CLASP2: variants seen among roughly 807,000 people sequenced by gnomAD.
CLASP2 encodes the protein cytoplasmic linker associated protein 2, also known as CLIP-associating protein 2.
Under a neutral mutation model 194.4 loss-of-function variants are expected in CLASP2, and 47 were observed. That is an observed-to-expected ratio of 0.24 (90% CI 0.19 to 0.31). CLASP2 has a LOEUF of 0.31. Among genes scored for constraint, CLASP2 ranks in the 10% least tolerant of loss-of-function variants. CLASP2 has a pLI of 1.00. For missense variants in CLASP2, 1,445 were observed against 1,823.6 expected, an observed-to-expected ratio of 0.79 and a Z score of 3.78; for synonymous variants, 619 against 633.5, an observed-to-expected ratio of 0.98 and a Z score of 0.34.
rs145260201 is a variant in CLASP2, at chr3:33,633,352, C to A, written c.863-981G>T. On this transcript the variant is annotated intron_variant, in intron 8 of 38. Coordinates refer to ENST00000682230, the MANE Select transcript of CLASP2 (RefSeq NM_001365631.1). ...CCCAACCAATAAGTGGGGCAGAGTA[C>A]CCTAGAATTCTTGAGTTGAGACAAG... Among the ~76,000 whole-genome samples the A allele has an allele frequency of 6.3e-4, 96 of 152,258 alleles. 1 individual carries two copies. Among genetic ancestry groups the A allele is most frequent in the African/African-American group, 2.1e-3 (88 of 41,544 alleles).
intron 8 of CLASP2, among the ~76,000 whole-genome samples, chr3:33,638,293 TA>T (rs1319501145): frequency 6.6e-6 from 1 of 152,082 alleles, no homozygotes; most frequent in Non-Finnish European, 1.5e-5. Flanking sequence ...TCATTCTTTT[TA>T]TTTTTTTATT....
chr3:33,604,996 T>C (rs965132961), intron 16 of CLASP2, among the ~76,000 whole-genome samples: 4 of 152,246 alleles, frequency 2.6e-5, no homozygotes, highest in Admixed American at 2.0e-4. Context: ...ATTATTTTTA[T>C]AAGTGTCTCC....
intron 37 of CLASP2, among the ~76,000 whole-genome samples, chr3:33,509,132 T>C (rs2049066907): frequency 6.6e-6 from 1 of 152,248 alleles, no homozygotes; most frequent in Non-Finnish European, 1.5e-5. Flanking sequence ...TATTTTCATT[T>C]TGACATACCC....
chr3:33,672,714 C>T (rs1183506816), intron 6 of CLASP2, among the ~76,000 whole-genome samples: 2 of 152,062 alleles, frequency 1.3e-5, no homozygotes, highest in African/African-American at 4.8e-5. Flanking sequence ...GATGAATGTA[C>T]AACTAGAATA....
chr3:33,627,163 T>G (rs2078195290), intron 9 of CLASP2, 83 bp from the exon 10 acceptor site: 4 of 776,320 alleles, frequency 5.2e-6, no homozygotes, highest in African/African-American at 3.5e-5. Flanking sequence ...AAAATAATCT[T>G]TCACCTATTA....
intron 35 of CLASP2, among the ~76,000 whole-genome samples, chr3:33,516,557 CT>C (rs2051372228): frequency 6.6e-6 from 1 of 152,010 alleles, no homozygotes; most frequent in Non-Finnish European, 1.5e-5. Context: ...ATCCCAGCTA[CT>C]CAGGAGGCTG....
chr3:33,571,707 G>A (rs576836630), intron 25 of CLASP2, among the ~76,000 whole-genome samples: 2 of 151,802 alleles, frequency 1.3e-5, no homozygotes, highest in East Asian at 3.9e-4. Flanking sequence ...TACCAGCTAC[G>A]TGGGAGGGTT....
At chr3:33,621,279 T>C (rs971717424) in intron 11 of CLASP2, among the ~76,000 whole-genome samples, 7 of 152,174 alleles carry the variant, frequency 4.6e-5, no homozygotes, top group South Asian at 4.1e-4. Context: ...GTTTTACATA[T>C]ATTGTCCAAT....
chr3:33,633,982 T>A (rs905940878), intron 8 of CLASP2, among the ~76,000 whole-genome samples: 7 of 152,078 alleles, frequency 4.6e-5, no homozygotes, highest in African/African-American at 1.7e-4. Flanking sequence ...GAAACAAGAA[T>A]CTTTATAAAT....
At chr3:33,540,000 C>A (rs2058066999) in intron 32 of CLASP2, among the ~76,000 whole-genome samples, 1 of 151,130 alleles carries the variant, frequency 6.6e-6, no homozygotes, top group African/African-American at 2.4e-5. Context: ...TCACTGCAAC[C>A]TCTACCTCTC....
intron 6 of CLASP2, among the ~76,000 whole-genome samples, chr3:33,672,523 TA>T (rs1262917429): frequency 2.0e-5 from 3 of 152,130 alleles, no homozygotes; most frequent in African/African-American, 7.2e-5. Flanking sequence ...CTGGAAACTC[TA>T]AAAAGCAGAG....
chr3:33,565,040 C>A (rs575950103), intron 27 of CLASP2, among the ~76,000 whole-genome samples: 57 of 152,310 alleles, frequency 3.7e-4, no homozygotes, highest in African/African-American at 1.1e-3. Flanking sequence ...TCTGCCACCC[C>A]TGAGATAGCA....
At position 33,676,224 on chromosome 3, in the gene CLASP2, C is replaced by T. The variant is rs879545610; in HGVS notation, c.644+8135G>A. 9.3e-3 allele frequency among the ~76,000 whole-genome samples: 1,386 copies of T among 148,570 alleles called. 13 individuals are homozygous for T. The highest frequency in any genetic ancestry group is 0.016 in the Non-Finnish European group (1,064 of 66,974). ...TAACCAAAACAGCATGGTACTGGTA[C>T]CAAAACAGAGATATAGATCAATGGA... On this transcript the variant is annotated intron_variant, in intron 6 of 38. Coordinates refer to ENST00000682230, the MANE Select transcript of CLASP2 (RefSeq NM_001365631.1).
intron 7 of CLASP2, among the ~76,000 whole-genome samples, chr3:33,651,397 A>C (rs1213410214): frequency 1.3e-5 from 2 of 151,900 alleles, no homozygotes; most frequent in Middle Eastern, 3.4e-3. Context: ...AAAAAAAAAA[A>C]AAAAAAACCC....
chr3:33,677,635 C>T (rs1559613193), intron 6 of CLASP2, among the ~76,000 whole-genome samples: 1 of 150,010 alleles, frequency 6.7e-6, no homozygotes, highest in Non-Finnish European at 1.5e-5. Flanking sequence ...AGCACACCAG[C>T]ATGTCACATG....
chr3:33,510,810 T>A (rs2049516771), intron 36 of CLASP2, 46 bp from the exon 37 acceptor site: 1 of 1,459,754 alleles, frequency 6.9e-7, no homozygotes, highest in Non-Finnish European at 9.4e-7. Context: ...TTTAAAATAT[T>A]ACACTACATC....
chr3:33,575,911 A>G (rs1191322950), intron 24 of CLASP2, among the ~76,000 whole-genome samples: 1 of 152,186 alleles, frequency 6.6e-6, no homozygotes, highest in Non-Finnish European at 1.5e-5. Context: ...ACTATAGTGT[A>G]TAAAACACAT....
At chr3:33,500,833 A>G (rs2046686589) in intron 38 of CLASP2, among the ~76,000 whole-genome samples, 1 of 152,208 alleles carries the variant, frequency 6.6e-6, no homozygotes, top group Non-Finnish European at 1.5e-5. Flanking sequence ...TTTCTGCTAA[A>G]TGGTTCATAA....
intron 17 of CLASP2, among the ~76,000 whole-genome samples, 170 bp from the exon 18 acceptor site, chr3:33,603,295 A>G (rs1376311737): frequency 6.6e-6 from 1 of 152,232 alleles, no homozygotes; most frequent in Non-Finnish European, 1.5e-5. Context: ...CTCAGTTTCA[A>G]TCACAACTAA....
Sources: allele counts gnomAD v4.1 joint callset (sites outside exome capture counted in the v4.1 genomes callset), GRCh38; gene constraint gnomAD v4.1.1; transcripts MANE v1.5; gene names NCBI Gene and HGNC (gene_info 2026-07-23, HGNC 2026-07-21).